SPAG9: variants seen among roughly 807,000 people sequenced by gnomAD.
SPAG9 encodes the protein C-Jun-amino-terminal kinase-interacting protein 4.
Under a neutral mutation model 166.5 loss-of-function variants are expected in SPAG9, and 35 were observed. The ratio of observed to expected loss-of-function variants is 0.21; its 90% CI spans 0.16 to 0.28. The LOEUF (loss-of-function observed/expected upper bound fraction) is 0.28, where lower values mean the gene tolerates loss of function less well. Among genes scored for constraint, SPAG9 ranks in the 10% least tolerant of loss-of-function variants. The pLI is 1.00. For missense variants in SPAG9, 1,235 were observed against 1,603.3 expected (o/e 0.77, Z 3.92); for synonymous variants, 534 against 565.5 (o/e 0.94, Z 0.79).
rs1406353960 is a variant in SPAG9 at position 50,990,564 on chromosome 17, T to A, written c.2503A>T (p.Thr835Ser). 1 of 1,614,198 alleles carries A rather than the reference T, an allele frequency of 6.2e-7. No individual in the cohort carries two copies. The highest frequency in any genetic ancestry group is 1.7e-5 in the Admixed American group (1 of 60,028). The change falls in exon 20 of 30, where the codon ACA (threonine) becomes TCA (serine). Residue 835 changes from threonine (T) to serine (S), a missense_variant. By Grantham distance (58) the Thr-to-Ser change is moderately conservative. Around this residue, in one of 6 missense-constraint regions of SPAG9, gnomAD observed 493 missense variants for 559.4 expected, o/e 0.88. Coordinates refer to ENST00000262013, the MANE Select transcript of SPAG9 (RefSeq NM_001130528.3). ...GTGATGCCTCCTAACAGGCTGTCTG[T>A]CTCTGCTGAGCTGTTGCTTGTCATA... Reference protein sequence around the residue: ...GSMTSNSSAETDSLLGGITVV... With the variant: ...GSMTSNSSAESDSLLGGITVV...
At chr17:51,012,615 G>C (rs901508474) in intron 9 of SPAG9, among the ~76,000 whole-genome samples, 1 of 151,312 alleles carries the variant, frequency 6.6e-6, no homozygotes, top group South Asian at 2.1e-4. Flanking sequence ...CATGAGAAAC[G>C]CAATTCATTC....
At position 51,021,168 on chromosome 17, in the gene SPAG9, A is replaced by G; in HGVS notation, c.981T>C (p.Asn327=). ...ACTAGGGTCACTCACCAGTAGATACATTTCTAGTTTCCTGGGCTACCTGTA... is the reference window on the plus strand; with the variant it reads ...ACTAGGGTCACTCACCAGTAGATACGTTTCTAGTTTCCTGGGCTACCTGTA... ...IEVQVAQETR[N]VSTGSAENEE... is the part of the protein sequence containing the mutation. Residue 327 remains asparagine, a synonymous_variant, in exon 7 of 30, where the codon AAT becomes AAC. Coordinates refer to ENST00000262013, the MANE Select transcript of SPAG9 (RefSeq NM_001130528.3). 3 of 1,613,736 alleles carry G rather than the reference A, an allele frequency of 1.9e-6. No individual in the cohort carries two copies. Among genetic ancestry groups the G allele is most frequent in the African/African-American group, 2.7e-5 (2 of 75,026 alleles).
Position 50,999,410 on chromosome 17 carries a change from A to G in SPAG9, c.1664+251T>C, listed in dbSNP as rs1023135714. 11 of 1,301,868 alleles carry G rather than the reference A, an allele frequency of 8.4e-6. No homozygotes were observed. In the African/African-American group the frequency reaches 1.5e-4, roughly 18 times the overall value. 80.6% of individuals were successfully genotyped at this position (1,301,868 alleles called of 1,614,324 possible). A position where few individuals can be genotyped will look rare whatever the true frequency, so the allele number is the denominator to read the frequency against. The stretch of plus-strand genomic sequence containing the variant: ...TATTTAAATTTGGCAGAGGATTGCA[A>G]CAAATGCACAGTCAACATGATGCAG... On this transcript the variant is annotated intron_variant, in intron 14 of 29. Transcript: ENST00000262013.
At position 50,973,298 on chromosome 17, in the gene SPAG9, T is replaced by C. The variant is rs1973961645; in HGVS notation, c.3700+1473A>G. 2.0e-5 allele frequency among the ~76,000 whole-genome samples: 3 copies of C among 151,902 alleles called. No individual in the cohort carries two copies. The South Asian group carries it at 6.2e-4, about 32-fold the overall frequency. On this transcript the variant is annotated intron_variant, in intron 28 of 29. Coordinates refer to ENST00000262013, the MANE Select transcript of SPAG9 (RefSeq NM_001130528.3). ...TCGACTTCAAGATAGTGGTTACCAA[T>C]GGAGAGGAAAAGGAGAGGAGAATGG... is the stretch of plus-strand genomic sequence containing the variant.
chr17:51,006,180 A>T lies in SPAG9; in HGVS notation c.1329T>A (p.Cys443Ter). 1 of 1,613,204 alleles carries T rather than the reference A, an allele frequency of 6.2e-7. No individual in the cohort carries two copies. Among genetic ancestry groups the T allele is most frequent in the Non-Finnish European group, 8.5e-7 (1 of 1,179,172 alleles). The change falls in exon 11 of 30, where the codon TGT (cysteine) becomes TGA (stop). Residue 443 changes from cysteine to a stop codon, truncating the protein, a stop_gained. Transcript: ENST00000262013. LOFTEE classifies it high-confidence loss of function. ...ATTCCCCTTGCAGCACATCTTTCTC[A>T]CAGGTCAGTTCATCCACTTTTGCTA... The part of the protein sequence containing the change: ...DLIAKVDELT[C>*]EKDVLQGELE...
At chr17:51,062,202 C>T (rs1380872063) in intron 2 of SPAG9, among the ~76,000 whole-genome samples, 8 of 152,248 alleles carry the variant, frequency 5.3e-5, no homozygotes, top group East Asian at 1.9e-4. Context: ...CCCCTACACA[C>T]GCAACCTCCC....
intron 20 of SPAG9, 49 bp downstream of exon 20, chr17:50,990,401 G>A: frequency 7.6e-7 from 1 of 1,319,914 alleles, no homozygotes; most frequent in Non-Finnish European, 1.1e-6. Context: ...AGGCATCTGA[G>A]TGTAGCCTTA....
At chr17:51,113,497 T>A (rs555243159) in intron 1 of SPAG9, among the ~76,000 whole-genome samples, 2 of 149,926 alleles carry the variant, frequency 1.3e-5, no homozygotes, top group African/African-American at 4.9e-5. Context: ...CTGGACAACA[T>A]GGTAAAACCC....
intron 1 of SPAG9, among the ~76,000 whole-genome samples, chr17:51,108,204 T>C (rs567501143): frequency 6.6e-6 from 1 of 151,740 alleles, no homozygotes; most frequent in Non-Finnish European, 1.5e-5. Context: ...ATGGTCAACA[T>C]GGCAAAACCC....
chr17:51,034,904 C>T (rs1382731363), intron 5 of SPAG9, among the ~76,000 whole-genome samples: 4 of 152,106 alleles, frequency 2.6e-5, no homozygotes, highest in Non-Finnish European at 4.4e-5. Flanking sequence ...AAGGGAGAGA[C>T]ATTCTACAAA....
At chr17:51,059,011 A>G (rs2047433046) in intron 2 of SPAG9, among the ~76,000 whole-genome samples, 1 of 152,232 alleles carries the variant, frequency 6.6e-6, no homozygotes, top group Non-Finnish European at 1.5e-5. Flanking sequence ...CCAACTGTCC[A>G]TCAAGAGTAG....
intron 3 of SPAG9, among the ~76,000 whole-genome samples, chr17:51,049,277 GA>G (rs1436572595): frequency 1.3e-5 from 2 of 151,756 alleles, no homozygotes; most frequent in Non-Finnish European, 2.9e-5. Context: ...AGAAGTGGGA[GA>G]ACTGCTTGGA....
intron 2 of SPAG9, among the ~76,000 whole-genome samples, chr17:51,058,656 A>G (rs952364054): frequency 7.2e-5 from 11 of 152,224 alleles, no homozygotes; most frequent in African/African-American, 2.7e-4. Context: ...ATACTTTGAT[A>G]CAAAGGGCAT....
At chr17:51,006,952 G>C (rs527268907) in intron 10 of SPAG9, among the ~76,000 whole-genome samples, 1 of 152,254 alleles carries the variant, frequency 6.6e-6, no homozygotes, top group Admixed American at 6.5e-5. Flanking sequence ...CAAATGTTAA[G>C]GGAGGGAGCA....
In SPAG9 at chr17:51,053,853, AAGTATATAT is replaced by A. The variant is rs1278939918; in HGVS notation, c.495+2550_495+2558del. Among the ~76,000 whole-genome samples, 79 of 56,150 alleles carry A rather than the reference AAGTATATAT, an allele frequency of 1.4e-3. 2 individuals are homozygous for A. The highest frequency in any genetic ancestry group is 5.7e-3 in the South Asian group (11 of 1,924). The allele number at this position is 56,150 out of a possible 152,430, so 36.8% of individuals were successfully genotyped here. ...ACCCTAATTAAAAAAAAAAAAAAAAAAGTATATATATATATATATATATATATATATATA... is the reference window on the plus strand; with the variant it reads ...ACCCTAATTAAAAAAAAAAAAAAAAAATATATATATATATATATATATATA... On this transcript the variant is annotated intron_variant, in intron 3 of 29. Transcript: ENST00000262013.
Position 50,966,347 on chromosome 17 carries a change from A to T in SPAG9, c.3891T>A (p.Leu1297=). 1 of 1,613,928 alleles carries T rather than the reference A, an allele frequency of 6.2e-7. No individual in the cohort carries two copies. Among genetic ancestry groups the T allele is most frequent in the Non-Finnish European group, 8.5e-7 (1 of 1,179,808 alleles). ...CTTTGGTGACAGAAGGTTCAAGTGG[A>T]AGATCCTCTCCAAGAAGTTCTGATT... ...GGESELLGED[L]PLEPSVTKAE... The change falls in exon 30 of 30, where the codon CTT becomes CTA. Residue 1297 remains leucine, a synonymous_variant. Transcript: ENST00000262013.
chr17:50,974,195 G>T (rs1281117869), intron 28 of SPAG9, among the ~76,000 whole-genome samples: 1 of 152,088 alleles, frequency 6.6e-6, no homozygotes, highest in Non-Finnish European at 1.5e-5. Flanking sequence ...TTTCTGGGTG[G>T]TGCTTTATAG....
intron 23 of SPAG9, among the ~76,000 whole-genome samples, chr17:50,985,279 AT>A: frequency 6.6e-6 from 1 of 152,358 alleles, no homozygotes; most frequent in East Asian, 1.9e-4. Context: ...GACCAGAGAC[AT>A]GCACCTTGAG....
intron 1 of SPAG9, among the ~76,000 whole-genome samples, chr17:51,082,572 C>T (rs2048196249): frequency 6.6e-6 from 1 of 151,614 alleles, no homozygotes; most frequent in African/African-American, 2.4e-5. Flanking sequence ...TGCTGTATAC[C>T]CAGTACAAAG....
Sources: gnomAD v4.1 joint callset for allele counts (sites outside exome capture counted in the v4.1 genomes callset) on GRCh38, gnomAD v4.1.1 for gene constraint, gnomAD v4.1.1 regional missense constraint, MANE v1.5 for transcripts, NCBI Gene and HGNC (gene_info 2026-07-23, HGNC 2026-07-21) for gene names.